The following ARMH3 variants were observed in gnomAD, a reference collection of about 807,000 sequenced individuals.
ARMH3 encodes armadillo like helical domain containing 3, also known as armadillo-like helical domain-containing protein 3.
Under a neutral mutation model 99.1 loss-of-function variants are expected in ARMH3, and 60 were observed. The observed-to-expected ratio is 0.61, with a 90% CI of 0.49 to 0.75. The LOEUF (loss-of-function observed/expected upper bound fraction) is 0.75. ARMH3 is among the 30% of genes least tolerant of loss of function. The pLI, the probability that ARMH3 is intolerant of heterozygous loss-of-function variation, is 0.00. For synonymous variants in ARMH3, 285 were observed against 292.8 expected (o/e 0.97, Z 0.27); for missense variants, 679 against 843.1 (o/e 0.81, Z 2.41).
intron 23 of ARMH3, among the ~76,000 whole-genome samples, chr10:101,926,530 T>A (rs1843514057): frequency 6.6e-6 from 1 of 152,050 alleles, no homozygotes; most frequent in African/African-American, 2.4e-5. Flanking sequence ...TTGGGAAAGA[T>A]ATGTGGAGAG....
chr10:101,870,416 A>T (rs972376150), intron 24 of ARMH3, among the ~76,000 whole-genome samples: 1 of 152,206 alleles, frequency 6.6e-6, no homozygotes, highest in Non-Finnish European at 1.5e-5. Flanking sequence ...ACTTTGAAAC[A>T]CATTAAAAAA....
At chr10:101,914,864 CAAAAAA>C (rs373264871) in intron 23 of ARMH3, among the ~76,000 whole-genome samples, 25 of 66,600 alleles carry the variant, frequency 3.8e-4, no homozygotes, top group East Asian at 1.7e-3. Flanking sequence ...AAATCCATCT[CAAAAAA>C]AAAAAAAAAA....
At chr10:101,873,282 T>G (rs1470446312) in intron 24 of ARMH3, among the ~76,000 whole-genome samples, 3 of 150,162 alleles carry the variant, frequency 2.0e-5, no homozygotes, top group Non-Finnish European at 4.4e-5. Flanking sequence ...CGTGGTAGTG[T>G]GCACCTGTAA....
rs1390745483 is a variant in ARMH3 at position 102,018,469 on chromosome 10, A to T, written c.670-4445T>A. Among the ~76,000 whole-genome samples the T allele has an allele frequency of 3.9e-5, 6 of 152,340 alleles. No individual in the cohort carries two copies. The East Asian group carries it at 1.2e-3, about 29-fold the overall frequency. ...GTGATACACAGTGATGTGCTGCATA[A>T]GGACATTTTGGTCCATAATGGACTG... On this transcript the variant is annotated intron_variant, in intron 8 of 25. Coordinates refer to ENST00000370033, the MANE Select transcript of ARMH3 (RefSeq NM_024541.3).
At chr10:101,956,497 C>A in intron 22 of ARMH3, 100 bp downstream of exon 22, 1 of 1,450,912 alleles carries the variant, frequency 6.9e-7, no homozygotes, top group Non-Finnish European at 9.4e-7. Context: ...CCACACAGGG[C>A]ACCAAACAAC....
At chr10:101,870,667 A>C (rs1243381336) in intron 24 of ARMH3, among the ~76,000 whole-genome samples, 4 of 152,220 alleles carry the variant, frequency 2.6e-5, no homozygotes, top group African/African-American at 9.6e-5. Context: ...TAAGCAAGAA[A>C]TAAAACCAAT....
intron 8 of ARMH3, among the ~76,000 whole-genome samples, chr10:102,020,627 A>G (rs1462375123): frequency 6.7e-6 from 1 of 150,098 alleles, no homozygotes; most frequent in Non-Finnish European, 1.5e-5. Context: ...CGGAGCTTGC[A>G]GTGACCCGAG....
Position 102,029,649 on chromosome 10 carries a change from G to T in ARMH3, c.403C>A (p.Leu135Met). 6.2e-7 allele frequency: 1 copy of T among 1,614,194 alleles called. No individual in the cohort carries two copies. The highest frequency in any genetic ancestry group is 8.5e-7 in the Non-Finnish European group (1 of 1,180,042). ...AGCTTATGCCTCACCTTCATGCACA[G>T]CTCCGCCTTGTCAAAGCCCATCAGC... ...NMLMGFDKAELCMKNLMESLD... is the reference protein window; with the variant it reads ...NMLMGFDKAEMCMKNLMESLD... Residue 135 changes from leucine to methionine, a missense_variant, in exon 5 of 26, where the codon CTG (leucine) becomes ATG (methionine). This residue lies in a region of ARMH3 where 280 missense variants were observed against 354.6 expected (regional missense o/e 0.79). Coordinates refer to ENST00000370033, the MANE Select transcript of ARMH3 (RefSeq NM_024541.3).
intron 19 of ARMH3, among the ~76,000 whole-genome samples, chr10:101,976,202 C>T (rs1478482942): frequency 1.4e-5 from 2 of 140,438 alleles, no homozygotes; most frequent in African/African-American, 5.2e-5. Context: ...AAGCCAGGTG[C>T]AGTGGCATAT....
intron 22 of ARMH3, among the ~76,000 whole-genome samples, chr10:101,950,365 G>C (rs1844730342): frequency 6.6e-6 from 1 of 152,164 alleles, no homozygotes; most frequent in Admixed American, 6.5e-5. Flanking sequence ...CATTGGAAAA[G>C]TGAGGACAGT....
At chr10:101,853,540 C>T (rs2066658153) in intron 24 of ARMH3, among the ~76,000 whole-genome samples, 1 of 152,226 alleles carries the variant, frequency 6.6e-6, no homozygotes, top group African/African-American at 2.4e-5. Flanking sequence ...AATTTGCAGC[C>T]TCAGTATCTG....
chr10:101,878,056 G>A (rs1006594904), intron 24 of ARMH3, among the ~76,000 whole-genome samples: 2 of 152,030 alleles, frequency 1.3e-5, no homozygotes, highest in Admixed American at 6.5e-5. Context: ...TCAGGAGTTC[G>A]AGACTAGCCT....
At chr10:101,887,499 G>C (rs1173821109) in intron 24 of ARMH3, among the ~76,000 whole-genome samples, 2 of 151,800 alleles carry the variant, frequency 1.3e-5, no homozygotes, top group Non-Finnish European at 2.9e-5. Context: ...AACCTCCCTG[G>C]GTTCACCTCA....
At chr10:101,873,476 A>G (rs1412941822) in intron 24 of ARMH3, among the ~76,000 whole-genome samples, 1 of 152,118 alleles carries the variant, frequency 6.6e-6, no homozygotes, top group East Asian at 1.9e-4. Flanking sequence ...TTCTTTCAAC[A>G]TATTTATTGA....
At chr10:101,875,836 C>A (rs968990229) in intron 24 of ARMH3, among the ~76,000 whole-genome samples, 1 of 152,172 alleles carries the variant, frequency 6.6e-6, no homozygotes. Context: ...CCTTGTGAAG[C>A]TTTTTTCTTT....
intron 8 of ARMH3, among the ~76,000 whole-genome samples, chr10:102,020,665 G>A (rs1381886922): frequency 9.0e-5 from 13 of 145,010 alleles, no homozygotes; most frequent in African/African-American, 2.3e-4. Flanking sequence ...CAGCCTGGGC[G>A]ACAGAGACTC....
At chr10:101,979,605 A>G (rs1303341411) in intron 19 of ARMH3, among the ~76,000 whole-genome samples, 3 of 152,212 alleles carry the variant, frequency 2.0e-5, no homozygotes, top group Non-Finnish European at 4.4e-5. Context: ...CTCTGTGAAT[A>G]TATTTTAAAA....
intron 2 of ARMH3, among the ~76,000 whole-genome samples, chr10:102,037,492 A>G (rs1237324692): frequency 6.6e-6 from 1 of 151,982 alleles, no homozygotes; most frequent in Non-Finnish European, 1.5e-5. Context: ...CCTCTTCTGG[A>G]TTTTTAATGG....
intron 8 of ARMH3, among the ~76,000 whole-genome samples, chr10:102,020,321 G>A (rs1408653784): frequency 6.6e-6 from 1 of 152,028 alleles, no homozygotes; most frequent in Non-Finnish European, 1.5e-5. Context: ...GATCACTTGA[G>A]GTCAGTTCAA....
Sources: gnomAD v4.1 joint callset for allele counts (sites outside exome capture counted in the v4.1 genomes callset) on GRCh38, gnomAD v4.1.1 for gene constraint, gnomAD v4.1.1 regional missense constraint, MANE v1.5 for transcripts, NCBI Gene and HGNC (gene_info 2026-07-23, HGNC 2026-07-21) for gene names.